TIAM2: variants seen among roughly 807,000 people sequenced by gnomAD.
The protein encoded by TIAM2 is TIAM Rac1 associated GEF 2, also known as rho guanine nucleotide exchange factor TIAM2.
Under a neutral mutation model 152.9 loss-of-function variants are expected in TIAM2, and 80 were observed. The ratio of observed to expected loss-of-function variants is 0.52; its 90% confidence interval spans 0.44 to 0.63. The LOEUF (loss-of-function observed/expected upper bound fraction) is 0.63. Among genes scored for constraint, TIAM2 ranks in the 30% least tolerant of loss-of-function variants. The pLI is 0.00. For missense variants in TIAM2, 1,965 were observed against 2,120.1 expected (o/e 0.93, Z 1.44); for synonymous variants, 804 against 838.0 (o/e 0.96, Z 0.70).
intron 1 of TIAM2, among the ~76,000 whole-genome samples, chr6:155,081,886 C>T (rs757334494): frequency 6.6e-6 from 1 of 152,124 alleles, no homozygotes; most frequent in Non-Finnish European, 1.5e-5. Flanking sequence ...TGTTCTCGCT[C>T]AAGCCACCTT....
rs1562356400 is a variant in TIAM2 at position 155,214,687 on chromosome 6, A to G, written c.3168+3380A>G. 1.3e-5 allele frequency among the ~76,000 whole-genome samples: 2 copies of G among 152,302 alleles called. No homozygotes were observed. The highest frequency in any genetic ancestry group is 3.4e-3 in the Middle Eastern group (1 of 294). On this transcript the variant is annotated intron_variant, in intron 15 of 26. Transcript: ENST00000682666. This position sits in a 1 kb window ranked among gnomAD's most constrained non-coding sequence, Gnocchi z 5.4. ...TACTTTGTTCTATCTCTAGTGGGTT[A>G]TTTAATTTTGGGAACCCAATATCAT...
At chr6:155,181,554 T>C (rs1285643892) in intron 12 of TIAM2, among the ~76,000 whole-genome samples, 1 of 152,232 alleles carries the variant, frequency 6.6e-6, no homozygotes, top group Non-Finnish European at 1.5e-5. Flanking sequence ...AATGTTGTGC[T>C]ACCATCATCT....
At chr6:155,119,169 G>A (rs1779091845) in intron 2 of TIAM2, among the ~76,000 whole-genome samples, 1 of 151,728 alleles carries the variant, frequency 6.6e-6, no homozygotes, top group African/African-American at 2.4e-5. Context: ...CGAGTAGCTG[G>A]GATTACAGGT....
chr6:155,251,312 G>A (rs906540083), intron 22 of TIAM2, among the ~76,000 whole-genome samples: 1 of 152,108 alleles, frequency 6.6e-6, no homozygotes, highest in Non-Finnish European at 1.5e-5. Context: ...CTGAGACGAG[G>A]TTTTGCTCTT....
intron 1 of TIAM2, among the ~76,000 whole-genome samples, chr6:155,045,254 G>A (rs146396437): frequency 0.016 from 2,364 of 151,776 alleles, 33 homozygotes; most frequent in East Asian, 0.054. Context: ...AGTAGAGATG[G>A]GGTTTCATTA....
intron 1 of TIAM2, among the ~76,000 whole-genome samples, chr6:155,027,959 T>C (rs1776646609): frequency 8.0e-6 from 1 of 124,810 alleles, no homozygotes; most frequent in Non-Finnish European, 1.6e-5. Flanking sequence ...GTGTTACATA[T>C]ATACTATATA....
At chr6:155,232,436 C>T (rs1210158013) in intron 15 of TIAM2, 3 of 152,210 alleles carry the variant, frequency 2.0e-5, no homozygotes, top group Admixed American at 2.0e-4. Context: ...TATGAGAACG[C>T]AAACCATATA....
intron 7 of TIAM2, among the ~76,000 whole-genome samples, chr6:155,155,850 C>G (rs935513429): frequency 3.9e-5 from 6 of 152,214 alleles, no homozygotes; most frequent in African/African-American, 1.4e-4. Context: ...TACTCTGGGT[C>G]AGGCAAATGT....
chr6:155,176,755 G>A (rs989979459), intron 9 of TIAM2, 61 bp from the exon 10 acceptor site: 4 of 1,560,280 alleles, frequency 2.6e-6, no homozygotes, highest in East Asian at 2.3e-5. Flanking sequence ...ACATTTGGCC[G>A]GTGGTTTCCT....
intron 1 of TIAM2, among the ~76,000 whole-genome samples, chr6:155,006,115 G>A (rs1001962183): frequency 5.3e-5 from 8 of 152,172 alleles, no homozygotes; most frequent in African/African-American, 1.4e-4. Flanking sequence ...GTAGCCCCCC[G>A]GGGTCCTGGA....
chr6:155,238,923 GA>G (rs1782898696), intron 15 of TIAM2, among the ~76,000 whole-genome samples: 1 of 152,170 alleles, frequency 6.6e-6, no homozygotes, highest in Non-Finnish European at 1.5e-5. Context: ...TTTTAATGTG[GA>G]TTGTATATTT....
At chr6:155,190,155 A>T (rs79914029) in intron 14 of TIAM2, among the ~76,000 whole-genome samples, 1 of 152,206 alleles carries the variant, frequency 6.6e-6, no homozygotes, top group African/African-American at 2.4e-5. Flanking sequence ...CTTCTATAAA[A>T]TATAGAGAAC....
chr6:155,121,370 A>G (rs1779146099), intron 2 of TIAM2, among the ~76,000 whole-genome samples: 1 of 152,202 alleles, frequency 6.6e-6, no homozygotes, highest in African/African-American at 2.4e-5. Flanking sequence ...ATGGTTTCAC[A>G]TATGTTTCCA....
In TIAM2 at chr6:155,252,952, C is replaced by T. The variant is rs757933624; in HGVS notation, c.4124C>T (p.Ser1375Leu). 2.4e-5 allele frequency: 39 copies of T among 1,614,100 alleles called. 1 individual carries two copies. Among genetic ancestry groups the T allele is most frequent in the South Asian group, 3.3e-5 (3 of 91,070 alleles). Residue 1375 changes from serine (S) to leucine (L), a missense_variant, in exon 24 of 27, where the codon TCG becomes TTG. By Grantham distance (145) the Ser-to-Leu change is moderately radical. Transcript: ENST00000682666. ...ENCKLKKKLP[S>L]NSRPAHNSTD... The stretch of plus-strand genomic sequence containing the variant: ...TGGTGGGCCTTCATGTTACAGCCCT[C>T]GAATTCCCGGCCTGCACACAACTCT...
chr6:155,252,850 C>T (rs1583291927), intron 23 of TIAM2, 98 bp from the exon 24 acceptor site: 22 of 1,113,154 alleles, frequency 2.0e-5, no homozygotes, highest in East Asian at 4.8e-5. Context: ...CTCGGAGACT[C>T]GCCCACAGGG....
chr6:155,140,518 G>C (rs868645841), intron 5 of TIAM2, among the ~76,000 whole-genome samples: 5 of 151,654 alleles, frequency 3.3e-5, no homozygotes. Context: ...CACCCTAGTG[G>C]TGGGGGTTAG....
At chr6:155,229,608 G>T (rs1462999624) in intron 15 of TIAM2, among the ~76,000 whole-genome samples, 1 of 152,220 alleles carries the variant, frequency 6.6e-6, no homozygotes, top group Non-Finnish European at 1.5e-5. Flanking sequence ...AGAAGTAATT[G>T]TTGAAGAAAA....
intron 14 of TIAM2, among the ~76,000 whole-genome samples, chr6:155,210,464 G>T (rs949302318): frequency 6.6e-6 from 1 of 150,744 alleles, no homozygotes; most frequent in Admixed American, 6.6e-5. Context: ...GATTATAGCC[G>T]CATACCACCA....
intron 14 of TIAM2, among the ~76,000 whole-genome samples, chr6:155,200,481 A>C (rs1307038990): frequency 6.6e-6 from 1 of 152,196 alleles, no homozygotes; most frequent in Non-Finnish European, 1.5e-5. Flanking sequence ...TTAACATACT[A>C]TACAATTTAC....
Sources: allele counts gnomAD v4.1 joint callset (sites outside exome capture counted in the v4.1 genomes callset), GRCh38; gene constraint gnomAD v4.1.1; non-coding constraint Gnocchi (gnomAD v3.1); transcripts MANE v1.5; gene names NCBI Gene and HGNC (gene_info 2026-07-23, HGNC 2026-07-21).